Variants in MAPKBP1 observed in about 807,000 individuals in gnomAD.
The protein encoded by MAPKBP1 is mitogen-activated protein kinase binding protein 1.
A neutral mutation model predicts 170.5 loss-of-function variants in MAPKBP1; 71 were observed. That is an observed-to-expected ratio of 0.42 (90% CI 0.34 to 0.51). The LOEUF (loss-of-function observed/expected upper bound fraction) is 0.51. MAPKBP1 is among the 20% of genes least tolerant of loss of function. MAPKBP1 has a pLI of 0.06. For synonymous variants in MAPKBP1, 719 were observed against 757.9 expected (o/e 0.95, Z 0.84); for missense variants, 1,598 against 1,933.0 (o/e 0.83, Z 3.25).
chr15:41,824,322 G>C (rs1472777641), intron 29 of MAPKBP1, among the ~76,000 whole-genome samples, 162 bp from the exon 30 acceptor site: 2 of 152,236 alleles, frequency 1.3e-5, no homozygotes, highest in Non-Finnish European at 2.9e-5. Flanking sequence ...TGTTTGTGTG[G>C]TGTTGGGGAG....
intron 2 of MAPKBP1, among the ~76,000 whole-genome samples, chr15:41,780,374 GTTATC>G (rs1567132179): frequency 1.3e-5 from 2 of 152,190 alleles, no homozygotes; most frequent in East Asian, 3.8e-4. Context: ...GCTTGATGCT[GTTATC>G]ACTGACCCTT....
Position 41,820,881 on chromosome 15 carries a change from G to T in MAPKBP1, c.2531G>T (p.Gly844Val). 6.2e-7 allele frequency: 1 copy of T among 1,614,070 alleles called. No homozygotes were observed. Among genetic ancestry groups the T allele is most frequent in the Non-Finnish European group, 8.5e-7 (1 of 1,179,990 alleles). Residue 844 changes from glycine to valine, a missense_variant, in exon 23 of 31, where the codon GGA becomes GTA. Gly to Val is a moderately radical substitution (Grantham distance 109). This residue lies in a region of MAPKBP1 where 942 missense variants were observed against 953.2 expected (regional missense o/e 0.99). Transcript: ENST00000457542. ...GACCCAGCTCCTGCAGCCAACCCAG[G>T]ACCCAGAAGAAGAGGGCGCTGGGTT... is the stretch of plus-strand genomic sequence containing the variant. ...FLDPAPAANP[G>V]PRRRGRWVQP... is the part of the protein sequence containing the mutation.
chr15:41,808,038 C>CA (rs557542190), intron 3 of MAPKBP1, among the ~76,000 whole-genome samples: 200 of 121,434 alleles, frequency 1.6e-3, no homozygotes, highest in African/African-American at 4.5e-3. Flanking sequence ...GACTCCATCT[C>CA]AAAAAAAAAA....
intron 3 of MAPKBP1, among the ~76,000 whole-genome samples, chr15:41,809,576 C>A (rs1391942688): frequency 6.6e-6 from 1 of 152,228 alleles, no homozygotes; most frequent in East Asian, 1.9e-4. Flanking sequence ...TTTCTCTCCT[C>A]CCTGCCTTTC....
chr15:41,823,927 G>C lies in MAPKBP1; in HGVS notation c.4079G>C (p.Ser1360Thr). 1.2e-6 allele frequency: 2 copies of C among 1,614,094 alleles called. No individual in the cohort carries two copies. The highest frequency in any genetic ancestry group is 2.7e-5 in the African/African-American group (2 of 75,032). ...RTECQAHPGPSSPCAQQLPVS... is the reference protein window; with the variant it reads ...RTECQAHPGPTSPCAQQLPVS... The stretch of plus-strand genomic sequence containing the variant: ...GAGTGCCAGGCTCATCCTGGGCCCA[G>C]CAGCCCCTGTGCCCAGCAACTGCCA... Residue 1360 changes from serine to threonine, a missense_variant, in exon 29 of 31, where the codon AGC (serine) becomes ACC (threonine). Ser to Thr is a moderately conservative substitution (Grantham distance 58). Coordinates refer to ENST00000457542, the MANE Select transcript of MAPKBP1 (RefSeq NM_014994.3).
chr15:41,775,097 G>A (rs1567129449), intron 1 of MAPKBP1, 70 bp from the exon 2 acceptor site: 1 of 605,244 alleles, frequency 1.7e-6, no homozygotes, highest in East Asian at 2.8e-5. Context: ...ATACCCAGAG[G>A]TAAAAGCTGC....
chr15:41,805,200 G>T (rs1347837428), intron 3 of MAPKBP1, among the ~76,000 whole-genome samples: 1 of 152,244 alleles, frequency 6.6e-6, no homozygotes, highest in African/African-American at 2.4e-5. Context: ...TCAGGCAGAG[G>T]TGGGTAGGAG....
intron 24 of MAPKBP1, 65 bp downstream of exon 24, chr15:41,821,815 T>C: frequency 6.4e-7 from 1 of 1,558,170 alleles, no homozygotes; most frequent in East Asian, 2.3e-5. Flanking sequence ...TGTTCTTTAG[T>C]CGAGGGAGGG....
chr15:41,776,724 T>C (rs989311477), intron 2 of MAPKBP1, among the ~76,000 whole-genome samples: 3 of 152,244 alleles, frequency 2.0e-5, no homozygotes, highest in Non-Finnish European at 4.4e-5. Flanking sequence ...AGGAATGATA[T>C]ATGTAGTAGA....
intron 2 of MAPKBP1, among the ~76,000 whole-genome samples, chr15:41,775,708 G>A (rs1234684532): frequency 6.6e-6 from 1 of 152,228 alleles, no homozygotes; most frequent in East Asian, 1.9e-4. Flanking sequence ...CTTGGGAGAG[G>A]ACAGTAGGAA....
At chr15:41,814,425 CAA>C (rs1195187492) in intron 9 of MAPKBP1, 123 bp from the exon 10 acceptor site, 1 of 912,882 alleles carries the variant, frequency 1.1e-6, no homozygotes, top group African/African-American at 1.7e-5. Flanking sequence ...TTTCTTCTCT[CAA>C]GCAACTACTT....
intron 2 of MAPKBP1, among the ~76,000 whole-genome samples, chr15:41,790,877 C>G (rs1375119892): frequency 6.6e-6 from 1 of 152,200 alleles, no homozygotes; most frequent in Non-Finnish European, 1.5e-5. Flanking sequence ...TCCCCATTCC[C>G]AGGTCTGGTC....
At chr15:41,774,826 C>T (rs537089360) in intron 1 of MAPKBP1, 3 of 401,730 alleles carry the variant, frequency 7.5e-6, no homozygotes, top group African/African-American at 4.1e-5. Context: ...CTGCGGAAAT[C>T]CCTGGTGGTC....
At chr15:41,794,936 G>A (rs949175841) in intron 2 of MAPKBP1, among the ~76,000 whole-genome samples, 6 of 152,026 alleles carry the variant, frequency 3.9e-5, no homozygotes, top group Non-Finnish European at 8.8e-5. Flanking sequence ...AGGCCGAGGC[G>A]GGCAGATCAC....
chr15:41,808,263 C>T (rs368372958), intron 3 of MAPKBP1, among the ~76,000 whole-genome samples: 4 of 151,116 alleles, frequency 2.6e-5, no homozygotes, highest in South Asian at 4.2e-4. Flanking sequence ...CCCGCCACCA[C>T]GCCTGGCTAA....
chr15:41,780,942 C>T (rs2064175831), intron 2 of MAPKBP1, among the ~76,000 whole-genome samples: 1 of 152,088 alleles, frequency 6.6e-6, no homozygotes, highest in African/African-American at 2.4e-5. Context: ...ACATTATTTT[C>T]CTCTGGTTTT....
chr15:41,805,986 C>T (rs1464235014), intron 3 of MAPKBP1, among the ~76,000 whole-genome samples: 7 of 152,184 alleles, frequency 4.6e-5, no homozygotes, highest in Admixed American at 4.6e-4. Flanking sequence ...CCCTCATTCA[C>T]ACTCTGCTAC....
At chr15:41,795,888 C>T (rs1191418751) in intron 2 of MAPKBP1, among the ~76,000 whole-genome samples, 2 of 152,202 alleles carry the variant, frequency 1.3e-5, no homozygotes, top group African/African-American at 2.4e-5. Context: ...GGATTACAGG[C>T]GTGAGCCACC....
chr15:41,825,095 G>C, intron 30 of MAPKBP1, 114 bp from the exon 31 acceptor site: 2 of 726,756 alleles, frequency 2.8e-6, no homozygotes, highest in South Asian at 3.9e-5. Flanking sequence ...TGATCTTGGC[G>C]GGTAGAGTTC....
Sources: allele counts gnomAD v4.1 joint callset (sites outside exome capture counted in the v4.1 genomes callset), GRCh38; gene constraint gnomAD v4.1.1; regional missense constraint gnomAD v4.1.1; transcripts MANE v1.5; gene names NCBI Gene and HGNC (gene_info 2026-07-23, HGNC 2026-07-21).